The following ITGA1 variants were observed in gnomAD, a reference collection of about 807,000 sequenced individuals.
ITGA1 encodes integrin subunit alpha 1.
A neutral mutation model predicts 145.9 loss-of-function variants in ITGA1; 85 were observed. The ratio of observed to expected loss-of-function variants is 0.58; its 90% CI spans 0.49 to 0.70. The LOEUF (loss-of-function observed/expected upper bound fraction) is 0.70, where lower values mean the gene tolerates loss of function less well. Ranked by LOEUF, ITGA1 falls within the 30% of genes least tolerant of loss-of-function variation. The probability of loss-of-function intolerance (pLI) is 0.00; values close to 1 mark genes in which losing one functional copy is unlikely to be tolerated. For synonymous variants in ITGA1, 520 were observed against 495.3 expected, an observed-to-expected ratio of 1.05 and a Z score of -0.66; for missense variants, 1,351 against 1,418.7, an observed-to-expected ratio of 0.95 and a Z score of 0.77.
chr5:52,893,716 A>G lies in ITGA1; in HGVS notation c.966A>G (p.Lys322=). ...SYNRGNLSTE[K]FVEEIKSIAS... ...ACCGAGGAAATTTAAGCACTGAAAAATTTGTGGAGGAAATAAAATCAATTG... is the reference window on the plus strand; with the variant it reads ...ACCGAGGAAATTTAAGCACTGAAAAGTTTGTGGAGGAAATAAAATCAATTG... The change falls in exon 9 of 29, where the codon AAA becomes AAG. Residue 322 remains lysine (K), a synonymous_variant. Coordinates refer to ENST00000282588, the MANE Select transcript of ITGA1 (RefSeq NM_181501.2). 1 of 1,612,988 alleles carries G rather than the reference A, an allele frequency of 6.2e-7. No individual in the cohort carries two copies. Among genetic ancestry groups the G allele is most frequent in the Non-Finnish European group, 8.5e-7 (1 of 1,179,268 alleles).
At chr5:52,826,325 G>A (rs1212621612) in intron 1 of ITGA1, among the ~76,000 whole-genome samples, 2 of 152,208 alleles carry the variant, frequency 1.3e-5, no homozygotes, top group Non-Finnish European at 2.9e-5. Flanking sequence ...GGTGGAAGCT[G>A]CAGAAGAAAA....
chr5:52,938,375 A>G (rs1157470415), intron 24 of ITGA1, among the ~76,000 whole-genome samples: 2 of 152,222 alleles, frequency 1.3e-5, no homozygotes, highest in African/African-American at 2.4e-5. Context: ...AAAAATCACC[A>G]TAAGTATTGA....
intron 1 of ITGA1, among the ~76,000 whole-genome samples, chr5:52,847,324 G>C (rs886706868): frequency 1.3e-5 from 2 of 152,098 alleles, no homozygotes; most frequent in African/African-American, 4.8e-5. Flanking sequence ...AATTAGAGTA[G>C]TGTGGATTTA....
chr5:52,919,220 G>A (rs1057434309), intron 16 of ITGA1, among the ~76,000 whole-genome samples: 1 of 152,142 alleles, frequency 6.6e-6, no homozygotes, highest in African/African-American at 2.4e-5. Flanking sequence ...TTTAGAAATT[G>A]AGCTACAAAT....
chr5:52,862,299 A>T (rs1749619292), intron 3 of ITGA1, among the ~76,000 whole-genome samples: 1 of 152,090 alleles, frequency 6.6e-6, no homozygotes, highest in South Asian at 2.1e-4. Context: ...GTGTGTCAGA[A>T]TGGTCGAGCG....
intron 1 of ITGA1, among the ~76,000 whole-genome samples, chr5:52,845,799 G>T (rs1749323040): frequency 1.3e-5 from 2 of 152,158 alleles, no homozygotes; most frequent in Non-Finnish European, 2.9e-5. Context: ...GAGAAACCCT[G>T]CTGCAGAAGT....
chr5:52,855,767 G>C lies in ITGA1; in HGVS notation c.183-5680G>C, dbSNP rs185771253. Among the ~76,000 whole-genome samples, 10 of 152,300 alleles carry C rather than the reference G, an allele frequency of 6.6e-5. No individual in the cohort carries two copies. In the East Asian group the frequency reaches 1.9e-3, roughly 29 times the overall value. ...GTTATTTTGATGCAGTTGGAGAAAA[G>C]TGAGGCTTCCTTAGGATTCAAGTGG... On this transcript the variant is annotated intron_variant, in intron 2 of 28. Coordinates refer to ENST00000282588, the MANE Select transcript of ITGA1 (RefSeq NM_181501.2).
chr5:52,918,859 G>A lies in ITGA1; in HGVS notation c.2116G>A (p.Val706Met), dbSNP rs199815104. Residue 706 changes from valine to methionine, a missense_variant, in exon 16 of 29, where the codon GTG (valine) becomes ATG (methionine). Val to Met is a conservative substitution (Grantham distance 21). Transcript: ENST00000282588. ...VCINATVCFD[V>M]KLKSKEDTIY... is the part of the protein sequence containing the mutation. ...CATAAATGCTACAGTGTGTTTTGAT[G>A]TGAAATTAAAGTCTAAAGAAGACAC... 6.2e-7 allele frequency: 1 copy of A among 1,605,426 alleles called. No individual in the cohort carries two copies. The highest frequency in any genetic ancestry group is 1.7e-5 in the Admixed American group (1 of 58,078).
intron 1 of ITGA1, among the ~76,000 whole-genome samples, chr5:52,838,122 C>T (rs192114675): frequency 3.3e-5 from 5 of 152,022 alleles, no homozygotes; most frequent in Admixed American, 2.6e-4. Context: ...GCAGAGGAAC[C>T]GAAAAACTTC....
In ITGA1 at chr5:52,910,317, A is replaced by G. The variant is rs1008937255; in HGVS notation, c.1755A>G (p.Gly585=). ...IAAVKDLNLD[G]FNDIVIGAPL... is the part of the protein sequence containing the mutation. ...CTGTAAAAGACCTCAATCTTGATGGATTTAATGACATCGTGATAGGAGCTC... is the reference window on the plus strand; with the variant it reads ...CTGTAAAAGACCTCAATCTTGATGGGTTTAATGACATCGTGATAGGAGCTC... The change falls in exon 14 of 29, where the codon GGA becomes GGG. Residue 585 remains glycine, a synonymous_variant. Coordinates refer to ENST00000282588, the MANE Select transcript of ITGA1 (RefSeq NM_181501.2). 3 of 1,613,870 alleles carry G rather than the reference A, an allele frequency of 1.9e-6. No homozygotes were observed. The highest frequency in any genetic ancestry group is 2.5e-6 in the Non-Finnish European group (3 of 1,179,936).
chr5:52,880,125 A>G (rs1377666698), intron 6 of ITGA1, among the ~76,000 whole-genome samples: 1 of 152,178 alleles, frequency 6.6e-6, no homozygotes, highest in African/African-American at 2.4e-5. Context: ...GGAGGATTTT[A>G]GATAGATGCC....
At chr5:52,841,198 C>A (rs572466710) in intron 1 of ITGA1, among the ~76,000 whole-genome samples, 1 of 152,210 alleles carries the variant, frequency 6.6e-6, no homozygotes, top group East Asian at 1.9e-4. Context: ...ATTTCTTGAG[C>A]CAGATTTTCT....
intron 16 of ITGA1, among the ~76,000 whole-genome samples, chr5:52,919,183 G>GA (rs1406750157): frequency 6.6e-6 from 1 of 152,044 alleles, no homozygotes; most frequent in Non-Finnish European, 1.5e-5. Flanking sequence ...AGACGCTTAA[G>GA]AAAAAAATAC....
chr5:52,875,263 A>T (rs948796245), intron 6 of ITGA1, among the ~76,000 whole-genome samples: 1 of 152,130 alleles, frequency 6.6e-6, no homozygotes, highest in Non-Finnish European at 1.5e-5. Context: ...TTAGTAACAT[A>T]CAAAGGGATG....
At chr5:52,825,117 T>A (rs917945964) in intron 1 of ITGA1, 1 of 152,190 alleles carries the variant, frequency 6.6e-6, no homozygotes, top group Non-Finnish European at 1.5e-5. Flanking sequence ...CTCCCTTCCC[T>A]CTGCTCCTGG....
In ITGA1 at chr5:52,908,917, G is replaced by A. The variant is rs1750454528; in HGVS notation, c.1475G>A (p.Ser492Asn). 3 of 1,613,656 alleles carry A rather than the reference G, an allele frequency of 1.9e-6. No homozygotes were observed. Among genetic ancestry groups the A allele is most frequent in the East Asian group, 4.5e-5 (2 of 44,840 alleles). ...TCCTAGATTGGTTCCTACTTTGGCA[G>A]TATTTTAACAACAACTGACATTGAC... ...SGEQIGSYFG[S>N]ILTTTDIDKD... Residue 492 changes from serine (S) to asparagine (N), a missense_variant, in exon 13 of 29, where the codon AGT becomes AAT. Physicochemically the swap from Ser to Asn is conservative, Grantham distance 46 (BLOSUM62 1). Transcript: ENST00000282588.
rs910375246 is a variant in ITGA1 at position 52,906,557 on chromosome 5, T to TAC, written c.1455+659_1455+660dup. 3.2e-4 allele frequency among the ~76,000 whole-genome samples: 49 copies of TAC among 152,344 alleles called. 1 individual carries two copies. The highest frequency in any genetic ancestry group is 1.2e-3 in the African/African-American group (48 of 41,580). Reference sequence around the variant, plus strand: ...GAAACATCGTAAATATGCAAACATTTACACACACACATATTAACTGAAAGA... The same window carrying TAC: ...GAAACATCGTAAATATGCAAACATTTACACACACACACATATTAACTGAAAGA... On this transcript the variant is annotated intron_variant, in intron 12 of 28. Transcript: ENST00000282588.
intron 6 of ITGA1, among the ~76,000 whole-genome samples, chr5:52,876,946 G>A (rs139107765): frequency 6.6e-6 from 1 of 152,152 alleles, no homozygotes; most frequent in East Asian, 1.9e-4. Flanking sequence ...ACAAAGAAGT[G>A]CATTTGGTAG....
rs1291632266 is a variant in ITGA1, at chr5:52,788,333, G to A, written c.-21G>A. 3.0e-5 allele frequency: 45 copies of A among 1,495,112 alleles called. No individual in the cohort carries two copies. Among genetic ancestry groups the A allele is most frequent in the Non-Finnish European group, 3.9e-5 (44 of 1,128,174 alleles). The allele number at this position is 1,495,112 out of a possible 1,614,324, so 92.6% of individuals were successfully genotyped here. On this transcript the variant is annotated 5_prime_UTR_variant, in exon 1 of 29. Coordinates refer to ENST00000282588, the MANE Select transcript of ITGA1 (RefSeq NM_181501.2). ...GCCCTGCGAACCAGCGCGGCCCCCT[G>A]GCGCTGAGGCTGCTCCGGCCATGGC...
Sources: allele counts gnomAD v4.1 joint callset (sites outside exome capture counted in the v4.1 genomes callset), GRCh38; gene constraint gnomAD v4.1.1; transcripts MANE v1.5; gene names NCBI Gene and HGNC (gene_info 2026-07-23, HGNC 2026-07-21).